The following AGBL4 variants were observed in gnomAD, a reference collection of about 807,000 sequenced individuals.
AGBL4 encodes the protein AGBL carboxypeptidase 4.
Under a neutral mutation model 66.4 loss-of-function variants are expected in AGBL4, and 58 were observed. The observed-to-expected ratio is 0.87, with a 90% CI of 0.71 to 1.09. The LOEUF (loss-of-function observed/expected upper bound fraction) is 1.09, where lower values mean the gene tolerates loss of function less well. Ranked by LOEUF, AGBL4 falls within the 50% of genes least tolerant of loss-of-function variation. The pLI is 0.00. For synonymous variants in AGBL4, 234 were observed against 222.9 expected, an observed-to-expected ratio of 1.05 and a Z score of -0.44; for missense variants, 579 against 631.0, an observed-to-expected ratio of 0.92 and a Z score of 0.88.
chr1:48,700,188 C>T (rs4926747), intron 6 of AGBL4, among the ~76,000 whole-genome samples: 78,611 of 152,010 alleles, frequency 0.52, 22,867 homozygotes, highest in Middle Eastern at 0.66. Context: ...AATGCCTGCA[C>T]ATTGCTCATA....
intron 1 of AGBL4, among the ~76,000 whole-genome samples, chr1:49,935,121 C>T (rs1348961603): frequency 3.3e-5 from 5 of 152,250 alleles, no homozygotes; most frequent in African/African-American, 1.2e-4. Context: ...AATCAGGTCA[C>T]TCCCACCCTA....
At chr1:48,708,013 C>T (rs148941199) in intron 6 of AGBL4, among the ~76,000 whole-genome samples, 18 of 152,266 alleles carry the variant, frequency 1.2e-4, no homozygotes, top group East Asian at 7.7e-4. Context: ...CATTTAACCC[C>T]GTGATGTGGG....
At chr1:49,370,119 T>A (rs910260002) in intron 3 of AGBL4, among the ~76,000 whole-genome samples, 8 of 139,858 alleles carry the variant, frequency 5.7e-5, no homozygotes, top group African/African-American at 2.0e-4. Context: ...ATATAATATA[T>A]TATTTTATAT....
chr1:49,570,648 T>C (rs72901832), intron 3 of AGBL4, among the ~76,000 whole-genome samples: 1,746 of 152,200 alleles, frequency 0.011, 31 homozygotes, highest in African/African-American at 0.031. Context: ...GTCTTAGTCA[T>C]ATATTGTTTG....
At chr1:49,252,529 G>A (rs909317838) in intron 3 of AGBL4, among the ~76,000 whole-genome samples, 1 of 152,100 alleles carries the variant, frequency 6.6e-6, no homozygotes, top group African/African-American at 2.4e-5. Context: ...TATCTAGAGA[G>A]ACCAACATTC....
intron 5 of AGBL4, among the ~76,000 whole-genome samples, chr1:48,945,768 C>A (rs1295188459): frequency 1.3e-5 from 2 of 152,128 alleles, no homozygotes; most frequent in African/African-American, 2.4e-5. Flanking sequence ...GTCAGTAGAG[C>A]AGAATATTAA....
At chr1:49,382,586 C>G (rs887420741) in intron 3 of AGBL4, among the ~76,000 whole-genome samples, 14 of 152,006 alleles carry the variant, frequency 9.2e-5, no homozygotes, top group Non-Finnish European at 1.9e-4. Context: ...AAAGCTTTCC[C>G]TCTAAAATTA....
At chr1:49,812,780 T>C (rs1645129798) in intron 2 of AGBL4, among the ~76,000 whole-genome samples, 1 of 152,150 alleles carries the variant, frequency 6.6e-6, no homozygotes, top group Non-Finnish European at 1.5e-5. Context: ...TCTGCAAACA[T>C]TTACTGCAGA....
At chr1:49,699,508 A>G (rs759530265) in intron 2 of AGBL4, among the ~76,000 whole-genome samples, 12 of 152,082 alleles carry the variant, frequency 7.9e-5, no homozygotes, top group Admixed American at 2.0e-4. Flanking sequence ...AATATAACAC[A>G]GAACATAAGC....
chr1:49,564,412 T>C (rs1644137342), intron 3 of AGBL4, among the ~76,000 whole-genome samples: 1 of 152,224 alleles, frequency 6.6e-6, no homozygotes, highest in African/African-American at 2.4e-5. Flanking sequence ...GTGCCAATTT[T>C]AGATCTTTCC....
chr1:49,682,407 G>GA (rs1376454484), intron 3 of AGBL4, among the ~76,000 whole-genome samples: 1 of 151,994 alleles, frequency 6.6e-6, no homozygotes, highest in Non-Finnish European at 1.5e-5. Flanking sequence ...CGTCCCCCCA[G>GA]AAAAAATATA....
At chr1:48,931,772 G>A (rs1046038451) in intron 5 of AGBL4, among the ~76,000 whole-genome samples, 1 of 152,168 alleles carries the variant, frequency 6.6e-6, no homozygotes, top group African/African-American at 2.4e-5. Context: ...GCTTCCTGAA[G>A]TGCTGGGATT....
intron 4 of AGBL4, among the ~76,000 whole-genome samples, chr1:49,213,642 A>G (rs1477310872): frequency 6.6e-6 from 1 of 152,154 alleles, no homozygotes; most frequent in Non-Finnish European, 1.5e-5. Flanking sequence ...TGAGCCAATT[A>G]AAACTCTTTT....
At chr1:49,441,576 T>C (rs912001271) in intron 3 of AGBL4, among the ~76,000 whole-genome samples, 2 of 152,160 alleles carry the variant, frequency 1.3e-5, no homozygotes, top group South Asian at 2.1e-4. Flanking sequence ...CCAGAAGATA[T>C]ACCCTTGACG....
chr1:49,240,551 CTTT>C (rs34162300), intron 4 of AGBL4, among the ~76,000 whole-genome samples: 13 of 123,702 alleles, frequency 1.1e-4, no homozygotes, highest in African/African-American at 1.8e-4. Flanking sequence ...ACTGCATTTT[CTTT>C]TTTTTTTTTT....
intron 4 of AGBL4, among the ~76,000 whole-genome samples, chr1:49,119,009 T>C (rs573603314): frequency 6.6e-6 from 1 of 152,234 alleles, no homozygotes; most frequent in African/African-American, 2.4e-5. Context: ...TAATCTATGA[T>C]AGGAGTTTGT....
At chr1:49,189,644 T>C (rs1311888101) in intron 4 of AGBL4, among the ~76,000 whole-genome samples, 1 of 152,138 alleles carries the variant, frequency 6.6e-6, no homozygotes, top group Non-Finnish European at 1.5e-5. Flanking sequence ...AAGAGAAAAA[T>C]ACATCCTAGT....
intron 3 of AGBL4, among the ~76,000 whole-genome samples, chr1:49,325,330 A>T (rs2148482465): frequency 6.6e-6 from 1 of 152,302 alleles, no homozygotes; most frequent in South Asian, 2.1e-4. Context: ...AAAGTACAAA[A>T]ATCTTTAGTG....
chr1:49,155,151 A>T (rs1646406506), intron 4 of AGBL4, among the ~76,000 whole-genome samples: 1 of 152,160 alleles, frequency 6.6e-6, no homozygotes, highest in Admixed American at 6.6e-5. Flanking sequence ...TATGATGCAA[A>T]TATGTGTATG....
Sources: allele counts gnomAD v4.1 joint callset (sites outside exome capture counted in the v4.1 genomes callset), GRCh38; gene constraint gnomAD v4.1.1; transcripts MANE v1.5; gene names NCBI Gene and HGNC (gene_info 2026-07-23, HGNC 2026-07-21).